DNAI2: variants seen among roughly 807,000 people sequenced by gnomAD.
The protein encoded by DNAI2 is dynein, axonemal, intermediate polypeptide 2.
DNAI2 carries 63 observed loss-of-function variants against 74.7 expected under a neutral mutation model. That is an observed-to-expected ratio of 0.84 (90% confidence interval 0.69 to 1.04). The LOEUF (loss-of-function observed/expected upper bound fraction) is 1.04. Ranked by LOEUF, DNAI2 falls within the 50% of genes least tolerant of loss-of-function variation. The pLI, the probability that DNAI2 is intolerant of heterozygous loss-of-function variation, is 0.00. For missense variants in DNAI2, 688 were observed against 803.2 expected (o/e 0.86, Z 1.73); for synonymous variants, 289 against 314.9 (o/e 0.92, Z 0.87).
In DNAI2 at chr17:74,279,091, C is replaced by T. The variant is rs577158939; in HGVS notation, c.-11-2716C>T. ...CTGAGGCAGAAGAATGGCGTGAACC[C>T]GGGAGGCGGAGCTTGCAGTGAGCTG... On this transcript the variant is annotated intron_variant, in intron 1 of 13. Coordinates refer to ENST00000311014, the MANE Select transcript of DNAI2 (RefSeq NM_023036.6). Among the ~76,000 whole-genome samples, 8 of 152,048 alleles carry T rather than the reference C, an allele frequency of 5.3e-5. No homozygotes were observed. In the East Asian group the frequency reaches 5.8e-4, roughly 11 times the overall value.
At position 74,314,192 on chromosome 17, in the gene DNAI2, A is replaced by C; in HGVS notation, c.1794A>C (p.Glu598Asp). The change falls in exon 13 of 14, where the codon GAA becomes GAC. Residue 598 changes from glutamate (E) to aspartate (D), a missense_variant. Physicochemically the swap from Glu to Asp is conservative, Grantham distance 45 (BLOSUM62 2). Coordinates refer to ENST00000311014, the MANE Select transcript of DNAI2 (RefSeq NM_023036.6). ...GEEAAGEEGD[E>D]EVEEDLA The stretch of plus-strand genomic sequence containing the variant: ...AAGCAGCGGGGGAAGAAGGGGATGA[A>C]GAAGTGGAAGAAGACTTAGCCTAGA... 6.2e-7 allele frequency: 1 copy of C among 1,614,170 alleles called. No individual in the cohort carries two copies. Among genetic ancestry groups the C allele is most frequent in the Non-Finnish European group, 8.5e-7 (1 of 1,179,994 alleles).
At chr17:74,291,163 T>C (rs1567852629) in intron 6 of DNAI2, 30 bp downstream of exon 6, 2 of 1,530,352 alleles carry the variant, frequency 1.3e-6, no homozygotes, top group Non-Finnish European at 9.0e-7. Context: ...TTTTTATTTT[T>C]ATTTTTATTT....
chr17:74,295,171 G>T (rs1290868662), intron 6 of DNAI2, among the ~76,000 whole-genome samples: 1 of 148,216 alleles, frequency 6.7e-6, no homozygotes, highest in Non-Finnish European at 1.5e-5. Context: ...GAGGTGGGTG[G>T]ATTACCTGAA....
intron 6 of DNAI2, among the ~76,000 whole-genome samples, chr17:74,299,087 T>C (rs2052608789): frequency 2.0e-5 from 3 of 152,188 alleles, no homozygotes; most frequent in African/African-American, 7.2e-5. Context: ...TGAGCCCTCA[T>C]TGTGCATTCA....
intron 12 of DNAI2, among the ~76,000 whole-genome samples, chr17:74,312,912 A>G (rs1232190056): frequency 6.6e-6 from 1 of 152,224 alleles, no homozygotes; most frequent in Non-Finnish European, 1.5e-5. Context: ...ATAAGATGCC[A>G]AGATATGAAA....
rs201524327 is a variant in DNAI2 at position 74,309,348 on chromosome 17, A to T, written c.1307A>T (p.Asp436Val). 6.2e-7 allele frequency: 1 copy of T among 1,614,054 alleles called. No homozygotes were observed. Among genetic ancestry groups the T allele is most frequent in the Non-Finnish European group, 8.5e-7 (1 of 1,180,028 alleles). Residue 436 changes from aspartate to valine, a missense_variant, in exon 10 of 14, where the codon GAC (aspartate) becomes GTC (valine). Physicochemically the swap from Asp to Val is radical, Grantham distance 152. Coordinates refer to ENST00000311014, the MANE Select transcript of DNAI2 (RefSeq NM_023036.6). ...ATGGACGGAACCCTGGATATCTGGG[A>T]CTTCATGTTCGAGCAGTGCGATCCC... ...TRMDGTLDIW[D>V]FMFEQCDPTL...
chr17:74,274,994 C>T (rs2050978610), intron 1 of DNAI2, among the ~76,000 whole-genome samples: 1 of 152,168 alleles, frequency 6.6e-6, no homozygotes, highest in African/African-American at 2.4e-5. Context: ...ATGTGTTTTC[C>T]TCTCGAATCC....
At chr17:74,296,444 G>A (rs2052450799) in intron 6 of DNAI2, among the ~76,000 whole-genome samples, 2 of 152,026 alleles carry the variant, frequency 1.3e-5, no homozygotes, top group African/African-American at 2.4e-5. Flanking sequence ...TGACCAGGTT[G>A]GTTGTGAACT....
At chr17:74,279,098 C>A (rs544869608) in intron 1 of DNAI2, among the ~76,000 whole-genome samples, 282 of 152,122 alleles carry the variant, frequency 1.9e-3, no homozygotes, top group African/African-American at 5.9e-3. Flanking sequence ...ACCCGGGAGG[C>A]GGAGCTTGCA....
rs758300859 is a variant in DNAI2 at position 74,285,083 on chromosome 17, A to G, written c.227A>G (p.His76Arg). 5.6e-6 allele frequency: 9 copies of G among 1,614,042 alleles called. No homozygotes were observed. The South Asian group carries it at 7.7e-5, about 14-fold the overall frequency. Residue 76 changes from histidine to arginine, a missense_variant, in exon 3 of 14, where the codon CAT becomes CGT. By Grantham distance (29) the His-to-Arg change is conservative. Transcript: ENST00000311014. ...RFEMETRGVN[H>R]VEGGWPKDVN... ...GAGATGGAGACCCGGGGAGTTAACCATGTCGAGGGGGGCTGGCCCAAGGAC... is the reference window on the plus strand; with the variant it reads ...GAGATGGAGACCCGGGGAGTTAACCGTGTCGAGGGGGGCTGGCCCAAGGAC...
chr17:74,285,970 TAGAG>T (rs3056091), intron 3 of DNAI2, among the ~76,000 whole-genome samples: 14,395 of 146,624 alleles, frequency 0.098, 858 homozygotes, highest in African/African-American at 0.15. Context: ...TATATATATA[TAGAG>T]AGAGAGAGAG....
At chr17:74,281,684 C>A in intron 1 of DNAI2, 123 bp from the exon 2 acceptor site, 2 of 910,034 alleles carry the variant, frequency 2.2e-6, no homozygotes, top group South Asian at 1.4e-5. Flanking sequence ...CTAGGATCTC[C>A]CCACCACCCC....
chr17:74,313,440 AC>A (rs1291670626), intron 12 of DNAI2, among the ~76,000 whole-genome samples: 10 of 152,164 alleles, frequency 6.6e-5, no homozygotes, highest in African/African-American at 2.4e-4. Context: ...CTGGATTCTG[AC>A]GCCTAATCCA....
chr17:74,304,166 C>CT (rs1454439408), intron 8 of DNAI2, among the ~76,000 whole-genome samples: 1 of 100,740 alleles, frequency 9.9e-6, no homozygotes, highest in Non-Finnish European at 2.2e-5. Context: ...CTTTTCTTTT[C>CT]TTTTTTCTTT....
rs149529436 is a variant in DNAI2 at position 74,312,626 on chromosome 17, T to A, written c.1722+396T>A. Among the ~76,000 whole-genome samples, 30 of 152,258 alleles carry A rather than the reference T, an allele frequency of 2.0e-4. No homozygotes were observed. In the East Asian group the frequency reaches 5.6e-3, roughly 28 times the overall value. ...ACCCCTGGAGGGAAGGGCTGGGACA[T>A]TAGCGGTGTGCACGTCATGCTGGCT... is the stretch of plus-strand genomic sequence containing the variant. On this transcript the variant is annotated intron_variant, in intron 12 of 13. Transcript: ENST00000311014.
chr17:74,286,179 C>T (rs1205663369), intron 3 of DNAI2, among the ~76,000 whole-genome samples: 2 of 151,168 alleles, frequency 1.3e-5, no homozygotes, highest in African/African-American at 2.4e-5. Context: ...GCCTGTAGTC[C>T]CAGCTACTTA....
At chr17:74,297,582 A>C (rs560445314) in intron 6 of DNAI2, among the ~76,000 whole-genome samples, 21 of 147,464 alleles carry the variant, frequency 1.4e-4, no homozygotes, top group African/African-American at 3.8e-4. Context: ...GAGTTTTGTC[A>C]TGTTGGCCAG....
intron 2 of DNAI2, 39 bp downstream of exon 2, chr17:74,282,039 G>A (rs2051422986): frequency 6.2e-7 from 1 of 1,612,212 alleles, no homozygotes; most frequent in African/African-American, 1.3e-5. Flanking sequence ...TGTCAGGTGT[G>A]GCCAGGCAGG....
chr17:74,299,624 C>T, intron 6 of DNAI2, 94 bp from the exon 7 acceptor site: 1 of 1,554,436 alleles, frequency 6.4e-7, no homozygotes, highest in African/African-American at 1.4e-5. Context: ...ACCTGCCAAA[C>T]CAGAAGCAGC....
Sources: allele counts gnomAD v4.1 joint callset (sites outside exome capture counted in the v4.1 genomes callset), GRCh38; gene constraint gnomAD v4.1.1; transcripts MANE v1.5; gene names NCBI Gene and HGNC (gene_info 2026-07-23, HGNC 2026-07-21).